The following NEGR1 variants were observed in gnomAD, a reference collection of about 807,000 sequenced individuals.
The protein encoded by NEGR1 is IgLON family member 4.
Under a neutral mutation model 40.9 loss-of-function variants are expected in NEGR1, and 10 were observed. That is an observed-to-expected ratio of 0.24 (90% CI 0.15 to 0.42). NEGR1 has a LOEUF of 0.42. Ranked by LOEUF, NEGR1 falls within the 10% of genes least tolerant of loss-of-function variation. The probability of loss-of-function intolerance (pLI) is 1.00; values close to 1 mark genes in which losing one functional copy is unlikely to be tolerated. For missense variants in NEGR1, 352 were observed against 438.9 expected (o/e 0.80, Z 1.77); for synonymous variants, 185 against 166.8 (o/e 1.11, Z -0.84).
intron 6 of NEGR1, chr1:71,422,410 T>A (rs1646403359): frequency 6.6e-6 from 1 of 152,242 alleles, no homozygotes; most frequent in African/African-American, 2.4e-5. Context: ...ATGCACAAAT[T>A]GACTACTTTA....
intron 6 of NEGR1, chr1:71,461,845 T>C (rs1485639253): frequency 1.3e-5 from 2 of 152,160 alleles, no homozygotes; most frequent in Non-Finnish European, 2.9e-5. Context: ...TGCTGTGAAG[T>C]AGGCATTGTT....
chr1:72,163,999 T>C (rs1651683810), intron 1 of NEGR1, among the ~76,000 whole-genome samples: 1 of 151,024 alleles, frequency 6.6e-6, no homozygotes, highest in Admixed American at 6.6e-5. Context: ...TTAGCTTGCA[T>C]ACATCTTCAG....
chr1:72,160,887 G>T (rs2100373688), intron 1 of NEGR1, among the ~76,000 whole-genome samples: 1 of 152,162 alleles, frequency 6.6e-6, no homozygotes, highest in Non-Finnish European at 1.5e-5. Context: ...TCAATCCTTT[G>T]GTTCTTAGGG....
chr1:71,648,444 TACACAGAA>T, intron 4 of NEGR1, among the ~76,000 whole-genome samples: 1 of 152,140 alleles, frequency 6.6e-6, no homozygotes, highest in African/African-American at 2.4e-5. Flanking sequence ...AAAACTGAGT[TACACAGAA>T]GTTAAATTAT....
intron 2 of NEGR1, among the ~76,000 whole-genome samples, chr1:71,778,238 C>T (rs1656579727): frequency 6.6e-6 from 1 of 151,826 alleles, no homozygotes; most frequent in Admixed American, 6.6e-5. Flanking sequence ...TACAATGGTT[C>T]AATTATAATG....
Position 71,463,900 on chromosome 1 carries a change from A to T in NEGR1, c.941-56330T>A, listed in dbSNP as rs143799669. Among the ~76,000 whole-genome samples the T allele has an allele frequency of 2.1e-3, 327 of 152,246 alleles. 1 individual carries two copies. Among genetic ancestry groups the T allele is most frequent in the African/African-American group, 7.8e-3 (322 of 41,544 alleles). Reference sequence around the variant, plus strand: ...TTAGAGAGAAAGGACCCCAAATGATACTAAAATAAATAAATAAATGGAGCT... The same window carrying T: ...TTAGAGAGAAAGGACCCCAAATGATTCTAAAATAAATAAATAAATGGAGCT... On this transcript the variant is annotated intron_variant, in intron 6 of 6. Transcript: ENST00000357731.
At chr1:71,879,472 A>T (rs1570460792) in intron 2 of NEGR1, among the ~76,000 whole-genome samples, 2 of 152,312 alleles carry the variant, frequency 1.3e-5, no homozygotes, top group African/African-American at 4.8e-5. Flanking sequence ...TAGGGAGGCA[A>T]ATCAACCACA....
At chr1:71,440,732 C>T (rs1646541658) in intron 6 of NEGR1, among the ~76,000 whole-genome samples, 2 of 152,128 alleles carry the variant, frequency 1.3e-5, no homozygotes, top group Admixed American at 1.3e-4. Flanking sequence ...CCAAGTGATC[C>T]AAATGCACAT....
intron 2 of NEGR1, among the ~76,000 whole-genome samples, chr1:71,845,161 T>C (rs1001728465): frequency 6.6e-6 from 1 of 152,210 alleles, no homozygotes; most frequent in Non-Finnish European, 1.5e-5. Flanking sequence ...ACATTTCCTG[T>C]GTTAATTTCT....
At chr1:72,112,991 G>T (rs1649436269) in intron 1 of NEGR1, among the ~76,000 whole-genome samples, 1 of 151,180 alleles carries the variant, frequency 6.6e-6, no homozygotes, top group Admixed American at 6.6e-5. Context: ...ACTTCTTTTT[G>T]GCAAGAAGTC....
chr1:71,664,814 C>A (rs1652186065), intron 4 of NEGR1, among the ~76,000 whole-genome samples: 1 of 152,102 alleles, frequency 6.6e-6, no homozygotes, highest in Non-Finnish European at 1.5e-5. Flanking sequence ...TCCCCTTGAT[C>A]TGTTTAAGTT....
At chr1:71,908,618 G>C (rs1661343068) in intron 2 of NEGR1, among the ~76,000 whole-genome samples, 1 of 152,130 alleles carries the variant, frequency 6.6e-6, no homozygotes, top group Non-Finnish European at 1.5e-5. Context: ...AGATTCACTT[G>C]ATTCTTTCTG....
At chr1:71,588,571 A>T (rs963574711) in intron 6 of NEGR1, among the ~76,000 whole-genome samples, 4 of 152,126 alleles carry the variant, frequency 2.6e-5, no homozygotes, top group African/African-American at 4.8e-5. Flanking sequence ...TTTAGAAAAC[A>T]TACATTTTTA....
chr1:71,783,758 CA>C lies in NEGR1; in HGVS notation c.410-7462del, dbSNP rs373189492. Among the ~76,000 whole-genome samples the C allele has an allele frequency of 7.2e-5, 11 of 152,214 alleles. No individual in the cohort carries two copies. The East Asian group carries it at 1.4e-3, about 19-fold the overall frequency. On this transcript the variant is annotated intron_variant, in intron 2 of 6. Transcript: ENST00000357731. ...AGGATACCTATGCACGAGTTTTTCT[CA>C]ATCTATTCTGTCCTTCGTGGGGTCA...
At chr1:71,986,626 T>C (rs1646396923) in intron 1 of NEGR1, among the ~76,000 whole-genome samples, 1 of 152,180 alleles carries the variant, frequency 6.6e-6, no homozygotes, top group Non-Finnish European at 1.5e-5. Flanking sequence ...GTTAATAGAA[T>C]CAAAGTAGTG....
At position 71,849,509 on chromosome 1, in the gene NEGR1, C is replaced by A. The variant is rs575557055; in HGVS notation, c.410-73212G>T. On this transcript the variant is annotated intron_variant, in intron 2 of 6. Coordinates refer to ENST00000357731, the MANE Select transcript of NEGR1 (RefSeq NM_173808.3). Reference sequence around the variant, plus strand: ...ACTCCTGGCGTAGATCTTGTGAACACGAAATCACAGTAAATAATTTAGAGT... The same window carrying A: ...ACTCCTGGCGTAGATCTTGTGAACAAGAAATCACAGTAAATAATTTAGAGT... 9.2e-5 allele frequency among the ~76,000 whole-genome samples: 14 copies of A among 151,982 alleles called. No individual in the cohort carries two copies. The East Asian group carries it at 2.3e-3, about 25-fold the overall frequency.
intron 3 of NEGR1, among the ~76,000 whole-genome samples, chr1:71,726,615 C>T (rs1351930401): frequency 6.6e-6 from 1 of 152,054 alleles, no homozygotes; most frequent in Non-Finnish European, 1.5e-5. Flanking sequence ...TCACCAGGCT[C>T]ATATTATTCT....
chr1:71,577,183 A>C (rs1570054933), intron 6 of NEGR1, among the ~76,000 whole-genome samples: 2 of 152,346 alleles, frequency 1.3e-5, no homozygotes, highest in African/African-American at 2.4e-5. Flanking sequence ...ATGATAAATT[A>C]GTTCTCAGAA....
At chr1:72,167,052 G>C (rs1651793814) in intron 1 of NEGR1, among the ~76,000 whole-genome samples, 1 of 152,016 alleles carries the variant, frequency 6.6e-6, no homozygotes, top group African/African-American at 2.4e-5. Flanking sequence ...GCCAATCCCT[G>C]AAGGTACAGA....
Sources: allele counts gnomAD v4.1 joint callset (sites outside exome capture counted in the v4.1 genomes callset), GRCh38; gene constraint gnomAD v4.1.1; transcripts MANE v1.5; gene names NCBI Gene and HGNC (gene_info 2026-07-23, HGNC 2026-07-21).